Variants in PPP1CC observed in about 807,000 individuals in gnomAD.
PPP1CC encodes the protein protein phosphatase 1 catalytic subunit gamma, also known as serine/threonine-protein phosphatase PP1-gamma catalytic subunit.
In PPP1CC, 16 loss-of-function variants were observed where a neutral mutation model predicts 38.4. That is an observed-to-expected ratio of 0.42 (90% CI 0.28 to 0.63). PPP1CC has a LOEUF of 0.63. Among genes scored for constraint, PPP1CC ranks in the 30% least tolerant of loss-of-function variants. The pLI is 0.25. For missense variants in PPP1CC, 170 were observed against 391.3 expected, an observed-to-expected ratio of 0.43 and a Z score of 4.77; for synonymous variants, 158 against 136.0, an observed-to-expected ratio of 1.16 and a Z score of -1.13.
chr12:110,737,595 C>G (rs115546361), intron 1 of PPP1CC, among the ~76,000 whole-genome samples: 1 of 151,498 alleles, frequency 6.6e-6, no homozygotes, highest in South Asian at 2.1e-4. Flanking sequence ...TTTCCACACC[C>G]TGCCCTCTCC....
chr12:110,716,344 T>C (rs957637649), downstream of PPP1CC, among the ~76,000 whole-genome samples: 2 of 151,862 alleles, frequency 1.3e-5, no homozygotes, highest in African/African-American at 4.9e-5. Flanking sequence ...CTGCAAACTT[T>C]CTTAGTTTTA....
chr12:110,737,718 G>A (rs182228213), intron 1 of PPP1CC, among the ~76,000 whole-genome samples: 2 of 152,056 alleles, frequency 1.3e-5, no homozygotes, highest in African/African-American at 4.8e-5. Context: ...GCTGAGGTGG[G>A]AGGACTGCTT....
chr12:110,717,123 T>C (rs1442345656), downstream of PPP1CC, among the ~76,000 whole-genome samples: 1 of 152,194 alleles, frequency 6.6e-6, no homozygotes, highest in Non-Finnish European at 1.5e-5. Context: ...CCTGAATGCT[T>C]ATGACTAAGG....
At chr12:110,738,952 T>A (rs1212378902) in intron 1 of PPP1CC, among the ~76,000 whole-genome samples, 1 of 152,178 alleles carries the variant, frequency 6.6e-6, no homozygotes, top group African/African-American at 2.4e-5. Flanking sequence ...AGGGCTCACA[T>A]CAGAGTTCTT....
At chr12:110,735,336 T>C (rs1443764866) in intron 1 of PPP1CC, among the ~76,000 whole-genome samples, 3 of 152,166 alleles carry the variant, frequency 2.0e-5, no homozygotes, top group Non-Finnish European at 4.4e-5. Context: ...TTCAATCCTG[T>C]CAACGATCCT....
intron 3 of PPP1CC, among the ~76,000 whole-genome samples, chr12:110,727,122 T>C (rs1397336833): frequency 6.6e-6 from 1 of 152,180 alleles, no homozygotes; most frequent in East Asian, 1.9e-4. Context: ...TTAATAGAGA[T>C]GGGTTTTCCC....
chr12:110,727,231 G>A (rs548130059), intron 3 of PPP1CC, among the ~76,000 whole-genome samples: 44 of 152,330 alleles, frequency 2.9e-4, no homozygotes, highest in African/African-American at 7.7e-4. Context: ...GATTACAGGC[G>A]TGAGCTACCA....
chr12:110,742,713 TC>T lies in PPP1CC; in HGVS notation c.-7del. On this transcript the variant is annotated 5_prime_UTR_variant, in exon 1 of 7. Transcript: ENST00000335007. Reference sequence around the variant, plus strand: ...AGTTTATCTAAATCCGCCATCGCCTTCCCACCGCCGACCCTCCCGCAGCGGC... The same window carrying T: ...AGTTTATCTAAATCCGCCATCGCCTTCCACCGCCGACCCTCCCGCAGCGGC... The T allele has an allele frequency of 6.9e-7, 1 of 1,441,224 alleles. No homozygotes were observed. Among genetic ancestry groups the T allele is most frequent in the Non-Finnish European group, 9.2e-7 (1 of 1,085,088 alleles). 89.3% of individuals were successfully genotyped at this position (1,441,224 alleles called of 1,614,324 possible).
the PPP1CC span, among the ~76,000 whole-genome samples, chr12:110,713,150 G>T: frequency 1.5e-4 from 23 of 149,288 alleles, 1 homozygote; most frequent in African/African-American, 5.2e-4. Flanking sequence ...TTTTTTTTTT[G>T]GAGATGTAGT....
chr12:110,730,335 G>A (rs1428045487), intron 3 of PPP1CC, among the ~76,000 whole-genome samples, 194 bp downstream of exon 3: 2 of 152,138 alleles, frequency 1.3e-5, no homozygotes, highest in Non-Finnish European at 2.9e-5. Flanking sequence ...CTCCAGCCTG[G>A]GCAACAGAGT....
downstream of PPP1CC, among the ~76,000 whole-genome samples, chr12:110,716,630 A>G (rs7138780): frequency 4.5e-4 from 68 of 152,332 alleles, no homozygotes; most frequent in African/African-American, 1.5e-3. Context: ...CTGGAATTAC[A>G]GGCATGAGCC....
intron 1 of PPP1CC, among the ~76,000 whole-genome samples, chr12:110,740,262 A>G (rs926492720): frequency 1.5e-4 from 23 of 151,904 alleles, no homozygotes; most frequent in South Asian, 4.2e-4. Flanking sequence ...TTATTTAGGG[A>G]AAAAAAAGGT....
At chr12:110,742,339 G>C (rs1264815387) in intron 1 of PPP1CC, among the ~76,000 whole-genome samples, 1 of 152,122 alleles carries the variant, frequency 6.6e-6, no homozygotes, top group East Asian at 1.9e-4. Flanking sequence ...CGTCCAGTGC[G>C]CGGGGGCAAA....
At chr12:110,742,240 G>A (rs1398980226) in intron 1 of PPP1CC, among the ~76,000 whole-genome samples, 1 of 151,180 alleles carries the variant, frequency 6.6e-6, no homozygotes, top group East Asian at 1.9e-4. Context: ...CCTTCCGAGA[G>A]GACGAGCACC....
intron 3 of PPP1CC, among the ~76,000 whole-genome samples, chr12:110,729,105 GC>G (rs1468879879): frequency 2.0e-5 from 3 of 151,406 alleles, no homozygotes; most frequent in Non-Finnish European, 2.9e-5. Context: ...CGTCCTGGCA[GC>G]AATGATGAGC....
intron 1 of PPP1CC, 193 bp from the exon 2 acceptor site, chr12:110,732,094 A>C: frequency 1.6e-6 from 1 of 614,882 alleles, no homozygotes; most frequent in Non-Finnish European, 2.8e-6. Flanking sequence ...TGCATCTTCG[A>C]TACCAAGTAA....
chr12:110,742,262 C>T (rs553195309), intron 1 of PPP1CC, among the ~76,000 whole-genome samples: 10 of 152,330 alleles, frequency 6.6e-5, no homozygotes, highest in Non-Finnish European at 1.3e-4. Flanking sequence ...AAAAGTCCAT[C>T]TCGCACAGCA....
intron 1 of PPP1CC, among the ~76,000 whole-genome samples, chr12:110,741,198 T>G (rs995551496): frequency 4.6e-5 from 7 of 152,014 alleles, no homozygotes; most frequent in Non-Finnish European, 7.4e-5. Flanking sequence ...TTTTGTTGTT[T>G]TTTTTTTAAA....
chr12:110,742,613 A>AT, intron 1 of PPP1CC, 40 bp downstream of exon 1: 1 of 1,388,230 alleles, frequency 7.2e-7, no homozygotes, highest in Non-Finnish European at 9.4e-7. Flanking sequence ...TGCCGCCCTC[A>AT]GGCCCGCCTC....
Sources: gnomAD v4.1 joint callset for allele counts (sites outside exome capture counted in the v4.1 genomes callset) on GRCh38, gnomAD v4.1.1 for gene constraint, MANE v1.5 for transcripts, NCBI Gene and HGNC (gene_info 2026-07-23, HGNC 2026-07-21) for gene names.